Variants in SRGAP3 observed in about 807,000 individuals in gnomAD.
The protein encoded by SRGAP3 is SLIT-ROBO Rho GTPase-activating protein 3.
A neutral mutation model predicts 121.1 loss-of-function variants in SRGAP3; 39 were observed. The observed-to-expected ratio is 0.32, with a 90% CI of 0.25 to 0.42. The LOEUF (loss-of-function observed/expected upper bound fraction) is 0.42. Among genes scored for constraint, SRGAP3 ranks in the 10% least tolerant of loss-of-function variants. The pLI is 1.00. For missense variants in SRGAP3, 1,213 were observed against 1,470.6 expected (o/e 0.82, Z 2.86); for synonymous variants, 601 against 570.0 (o/e 1.05, Z -0.77).
At chr3:9,139,428 T>C (rs1262236788) in intron 1 of SRGAP3, among the ~76,000 whole-genome samples, 2 of 152,130 alleles carry the variant, frequency 1.3e-5, no homozygotes, top group Non-Finnish European at 1.5e-5. Context: ...AAAAGAAGAT[T>C]TGTCACAGAA....
chr3:9,116,381 A>G (rs1948807292), intron 2 of SRGAP3, among the ~76,000 whole-genome samples: 2 of 152,204 alleles, frequency 1.3e-5, no homozygotes, highest in Non-Finnish European at 2.9e-5. Context: ...AACTTTGATA[A>G]AGCATCAATT....
chr3:9,207,104 T>C (rs986396454), intron 1 of SRGAP3, among the ~76,000 whole-genome samples: 3 of 152,136 alleles, frequency 2.0e-5, no homozygotes. Flanking sequence ...GTGGGGAAAT[T>C]AGGAAAGTCC....
chr3:9,025,170 G>T, intron 14 of SRGAP3, 91 bp downstream of exon 14: 1 of 1,381,340 alleles, frequency 7.2e-7, no homozygotes, highest in Non-Finnish European at 1.0e-6. Flanking sequence ...ACTGCAGGCT[G>T]GCTTCTGCAC....
At chr3:9,247,240 T>G (rs1953857388) in intron 1 of SRGAP3, among the ~76,000 whole-genome samples, 1 of 152,220 alleles carries the variant, frequency 6.6e-6, no homozygotes, top group African/African-American at 2.4e-5. Flanking sequence ...GCTTTTGTAT[T>G]GAGCAGTTGG....
chr3:9,349,021 G>C (rs2029914223), intron 1 of SRGAP3: 5 of 948,938 alleles, frequency 5.3e-6, no homozygotes, highest in Non-Finnish European at 8.7e-6. Context: ...GCATTGTCAA[G>C]CATCTGGAGG....
chr3:9,259,135 G>A (rs1954198292), intron 3 of SRGAP3, among the ~76,000 whole-genome samples: 1 of 152,040 alleles, frequency 6.6e-6, no homozygotes, highest in Non-Finnish European at 1.5e-5. Context: ...CCCGGGTCCT[G>A]GCTCCTGCGT....
At chr3:9,100,413 A>T (rs1398781524) in intron 3 of SRGAP3, among the ~76,000 whole-genome samples, 1 of 152,232 alleles carries the variant, frequency 6.6e-6, no homozygotes, top group African/African-American at 2.4e-5. Context: ...AGAAGCAAAC[A>T]GGAGGCCAAA....
rs149347988 is a variant in SRGAP3, at chr3:9,169,447, G to A, written c.68-44530C>T. On this transcript the variant is annotated intron_variant, in intron 1 of 21. Transcript: ENST00000383836. ...TTCAAGCAGCAAAGAAAAGGTGGGCGTGGGAGGAAGACTATTCAAGGCTTT... is the reference window on the plus strand; with the variant it reads ...TTCAAGCAGCAAAGAAAAGGTGGGCATGGGAGGAAGACTATTCAAGGCTTT... Among the ~76,000 whole-genome samples, 458 of 152,292 alleles carry A rather than the reference G, an allele frequency of 3.0e-3. 2 individuals are homozygous for A. Among genetic ancestry groups the A allele is most frequent in the African/African-American group, 9.9e-3 (413 of 41,546 alleles).
intron 1 of SRGAP3, among the ~76,000 whole-genome samples, chr3:9,141,553 GGTGT>G (rs3067669): frequency 0.26 from 36,126 of 138,172 alleles, 4,724 homozygotes; most frequent in Non-Finnish European, 0.33. Context: ...TGACTTCAGG[GGTGT>G]GTGTGTGTGT....
intron 1 of SRGAP3, among the ~76,000 whole-genome samples, chr3:9,129,989 C>T (rs972882756): frequency 2.0e-5 from 3 of 152,120 alleles, no homozygotes; most frequent in South Asian, 2.1e-4. Context: ...GTCGAACTCC[C>T]GACCTCAGGT....
intron 1 of SRGAP3, chr3:9,192,826 G>C (rs1340300269): frequency 6.6e-6 from 1 of 152,162 alleles, no homozygotes; most frequent in Admixed American, 6.5e-5. Flanking sequence ...CTTCGCCCTG[G>C]AGGTAATCGT....
intron 1 of SRGAP3, among the ~76,000 whole-genome samples, chr3:9,343,923 G>C (rs1470034761): frequency 6.6e-6 from 1 of 152,112 alleles, no homozygotes; most frequent in African/African-American, 2.4e-5. Context: ...TAGGATTACA[G>C]GCATGAGCCA....
chr3:9,168,139 T>C (rs773215231), intron 1 of SRGAP3, among the ~76,000 whole-genome samples: 2 of 152,224 alleles, frequency 1.3e-5, no homozygotes, highest in Non-Finnish European at 2.9e-5. Flanking sequence ...GCAGCATGTC[T>C]TTGTCAACAG....
chr3:9,173,676 T>C (rs1168685986), intron 1 of SRGAP3, among the ~76,000 whole-genome samples: 2 of 152,080 alleles, frequency 1.3e-5, no homozygotes, highest in Admixed American at 1.3e-4. Context: ...TACTTCTGCC[T>C]GGACCCTCCC....
chr3:9,301,100 C>A (rs1003104203), intron 3 of SRGAP3, among the ~76,000 whole-genome samples: 3 of 152,136 alleles, frequency 2.0e-5, no homozygotes, highest in Non-Finnish European at 4.4e-5. Context: ...TCATCAAGAC[C>A]CTTCCCTTGG....
intron 1 of SRGAP3, among the ~76,000 whole-genome samples, chr3:9,350,282 T>C (rs557853633): frequency 3.0e-4 from 45 of 152,282 alleles, no homozygotes; most frequent in South Asian, 2.1e-4. Flanking sequence ...ACAAAACAGA[T>C]GAAAATCTCC....
At chr3:9,351,470 T>C (rs2596926) in intron 1 of SRGAP3, among the ~76,000 whole-genome samples, 106,929 of 151,912 alleles carry the variant, frequency 0.7, 38,388 homozygotes, top group South Asian at 0.89. Flanking sequence ...ACAAGCATCC[T>C]TCAATAAGGG....
chr3:9,319,511 C>T (rs1180714547), intron 3 of SRGAP3, among the ~76,000 whole-genome samples: 5 of 151,788 alleles, frequency 3.3e-5, no homozygotes, highest in East Asian at 1.9e-4. Context: ...AACCAAGAGA[C>T]GGGATTCAAG....
At chr3:9,299,051 CA>C (rs71049787) in intron 3 of SRGAP3, among the ~76,000 whole-genome samples, 14,573 of 70,240 alleles carry the variant, frequency 0.21, 699 homozygotes, top group Non-Finnish European at 0.24. Context: ...GACTCCATCT[CA>C]AAAAAAAAAA....
Sources: allele counts gnomAD v4.1 joint callset (sites outside exome capture counted in the v4.1 genomes callset), GRCh38; gene constraint gnomAD v4.1.1; transcripts MANE v1.5; gene names NCBI Gene and HGNC (gene_info 2026-07-23, HGNC 2026-07-21).